Variants in RBFOX1 observed in about 807,000 individuals in gnomAD.
The protein encoded by RBFOX1 is RNA binding fox-1 homolog 1.
Under a neutral mutation model 57.7 loss-of-function variants are expected in RBFOX1, and 8 were observed. The observed-to-expected ratio is 0.14, with a 90% CI of 0.08 to 0.25. RBFOX1 has a LOEUF of 0.25. RBFOX1 is among the 10% of genes least tolerant of loss of function. RBFOX1 has a pLI of 1.00. For missense variants in RBFOX1, 611 were observed against 548.5 expected, an observed-to-expected ratio of 1.11 and a Z score of -1.14; for synonymous variants, 326 against 222.4, an observed-to-expected ratio of 1.47 and a Z score of -4.15.
At chr16:7,177,750 T>G (rs951609610) in intron 4 of RBFOX1, among the ~76,000 whole-genome samples, 2 of 152,314 alleles carry the variant, frequency 1.3e-5, no homozygotes, top group Non-Finnish European at 1.5e-5. Context: ...TTTGCAGGTC[T>G]TTTGGTCTCC....
chr16:5,393,132 G>C (rs924422270), intron 1 of RBFOX1, among the ~76,000 whole-genome samples: 3 of 152,110 alleles, frequency 2.0e-5, no homozygotes, highest in Admixed American at 2.0e-4. Context: ...TAGAGTGATG[G>C]AAATGGACTC....
In RBFOX1 at chr16:6,161,926, C is replaced by T. The variant is rs71392463; in HGVS notation, c.-127+141934C>T. ...CATGCTTTCCAGCCAAATAAACCTT[C>T]AGAAACTGCAGGGGCTGGAGGCCCT... On this transcript the variant is annotated intron_variant, in intron 1 of 15. Coordinates refer to ENST00000550418, the MANE Select transcript of RBFOX1 (RefSeq NM_018723.4). Among the ~76,000 whole-genome samples the T allele has an allele frequency of 4.3e-3, 650 of 152,322 alleles. 2 individuals carry two copies. Among genetic ancestry groups the T allele is most frequent in the Non-Finnish European group, 6.8e-3 (460 of 68,036 alleles).
At chr16:5,496,573 C>T (rs1243290233) in intron 2 of RBFOX1, among the ~76,000 whole-genome samples, 1 of 152,158 alleles carries the variant, frequency 6.6e-6, no homozygotes, top group Admixed American at 6.5e-5. Flanking sequence ...TAGGAGGAAG[C>T]TTGCTTTTCT....
chr16:6,262,618 C>T (rs2097708195), intron 1 of RBFOX1, among the ~76,000 whole-genome samples: 1 of 152,024 alleles, frequency 6.6e-6, no homozygotes, highest in Non-Finnish European at 1.5e-5. Flanking sequence ...TTTTATTTTC[C>T]CACTTTCATT....
intron 4 of RBFOX1, among the ~76,000 whole-genome samples, chr16:5,918,603 A>G (rs1238448701): frequency 6.6e-6 from 1 of 152,246 alleles, no homozygotes; most frequent in African/African-American, 2.4e-5. Flanking sequence ...TGGATGAATG[A>G]TTAAAACCCC....
intron 3 of RBFOX1, among the ~76,000 whole-genome samples, chr16:6,908,022 T>C (rs977143478): frequency 3.3e-5 from 5 of 151,756 alleles, no homozygotes; most frequent in African/African-American, 1.2e-4. Context: ...CATGGTCATA[T>C]TGGATTAGGG....
At chr16:6,838,325 A>G (rs1415319228) in intron 3 of RBFOX1, among the ~76,000 whole-genome samples, 1 of 152,108 alleles carries the variant, frequency 6.6e-6, no homozygotes, top group Non-Finnish European at 1.5e-5. Flanking sequence ...GATGGCTTCC[A>G]GCTTCACCCA....
At chr16:5,778,208 T>C (rs7185936) in intron 3 of RBFOX1, among the ~76,000 whole-genome samples, 3,650 of 152,150 alleles carry the variant, frequency 0.024, 145 homozygotes, top group African/African-American at 0.082. Flanking sequence ...TGGTTGAGAG[T>C]TACGGTGCCA....
At chr16:6,506,488 C>G (rs1022774518) in intron 2 of RBFOX1, among the ~76,000 whole-genome samples, 2 of 151,926 alleles carry the variant, frequency 1.3e-5, no homozygotes, top group African/African-American at 2.4e-5. Context: ...AACCAAGACT[C>G]TATTAAAAAA....
At chr16:5,272,525 C>T (rs1277555159) in intron 1 of RBFOX1, among the ~76,000 whole-genome samples, 4 of 152,142 alleles carry the variant, frequency 2.6e-5, no homozygotes, top group Non-Finnish European at 4.4e-5. Flanking sequence ...ATCTCAGAAT[C>T]GTCCCATCCT....
rs900015321 is a variant in RBFOX1 at position 7,623,941 on chromosome 16, G to A, written c.677-6662G>A. On this transcript the variant is annotated intron_variant, in intron 10 of 15. Coordinates refer to ENST00000550418, the MANE Select transcript of RBFOX1 (RefSeq NM_018723.4). ...CTTTAAAGATCTCTCTGCAAGTAAA[G>A]TCACATTCTGAAGTACTCAGAGTTA... Among the ~76,000 whole-genome samples, 4 of 152,154 alleles carry A rather than the reference G, an allele frequency of 2.6e-5. No individual in the cohort carries two copies. The East Asian group carries it at 5.8e-4, about 22-fold the overall frequency.
intron 1 of RBFOX1, among the ~76,000 whole-genome samples, chr16:6,122,696 A>G (rs1473422271): frequency 6.6e-6 from 1 of 151,980 alleles, no homozygotes; most frequent in Non-Finnish European, 1.5e-5. Context: ...ATTGAAGGGG[A>G]AAGGAGTAAC....
intron 4 of RBFOX1, among the ~76,000 whole-genome samples, chr16:7,269,417 A>G (rs914069099): frequency 3.3e-5 from 5 of 152,216 alleles, no homozygotes; most frequent in Admixed American, 6.5e-5. Context: ...ACATTTTGAT[A>G]TTTCTCTTTT....
intron 2 of RBFOX1, among the ~76,000 whole-genome samples, chr16:6,381,057 G>A (rs1017329536): frequency 6.6e-6 from 1 of 152,192 alleles, no homozygotes; most frequent in African/African-American, 2.4e-5. Flanking sequence ...GAGAGGAGAT[G>A]CCTGTCAGTT....
Position 7,683,010 on chromosome 16 carries a change from G to GTGTATATATATA in RBFOX1, c.995+6173_995+6174insGTATATATATAT. On this transcript the variant is annotated intron_variant, in intron 14 of 15. Coordinates refer to ENST00000550418, the MANE Select transcript of RBFOX1 (RefSeq NM_018723.4). The stretch of plus-strand genomic sequence containing the variant: ...TTAATACTTCTATGTGTGTGTGTGT[G>GTGTATATATATA]TATATATATATATATATATATATAA... Among the ~76,000 whole-genome samples the GTGTATATATATA allele has an allele frequency of 4.1e-4, 2 of 4,902 alleles. 1 individual carries two copies. The allele number at this position is 4,902 out of a possible 152,430, so 3.2% of individuals were successfully genotyped here. A position where few individuals can be genotyped will look rare whatever the true frequency, so the allele number is the denominator to read the frequency against.
intron 3 of RBFOX1, among the ~76,000 whole-genome samples, chr16:6,909,085 G>A (rs963618873): frequency 1.3e-5 from 2 of 152,168 alleles, no homozygotes; most frequent in Non-Finnish European, 2.9e-5. Flanking sequence ...CAACACAAAT[G>A]TATTTTCTTG....
At chr16:6,564,092 A>G (rs2097221945) in intron 2 of RBFOX1, among the ~76,000 whole-genome samples, 1 of 151,870 alleles carries the variant, frequency 6.6e-6, no homozygotes, top group African/African-American at 2.4e-5. Context: ...TCACTTCTGG[A>G]TGTTCTTGTA....
At chr16:5,885,181 T>C (rs980020774) in intron 4 of RBFOX1, among the ~76,000 whole-genome samples, 1 of 152,102 alleles carries the variant, frequency 6.6e-6, no homozygotes, top group East Asian at 1.9e-4. Flanking sequence ...CTGTTGCAGG[T>C]TTCCTGTCAG....
chr16:5,617,595 T>C (rs1423020845), intron 3 of RBFOX1, among the ~76,000 whole-genome samples: 3 of 152,244 alleles, frequency 2.0e-5, no homozygotes, highest in African/African-American at 7.2e-5. Context: ...TTCTGCATTC[T>C]TTGGGTTTTG....
Sources: allele counts gnomAD v4.1 joint callset (sites outside exome capture counted in the v4.1 genomes callset), GRCh38; gene constraint gnomAD v4.1.1; transcripts MANE v1.5; gene names NCBI Gene and HGNC (gene_info 2026-07-23, HGNC 2026-07-21).